The following ANKLE2 variants were observed in gnomAD, a reference collection of about 807,000 sequenced individuals.
ANKLE2 encodes ankyrin repeat and LEM domain-containing protein 2.
ANKLE2 carries 55 observed loss-of-function variants against 84.2 expected under a neutral mutation model. The ratio of observed to expected loss-of-function variants is 0.65; its 90% CI spans 0.53 to 0.82. The LOEUF is 0.82. Among genes scored for constraint, ANKLE2 ranks in the 40% least tolerant of loss-of-function variants. ANKLE2 has a pLI of 0.00. For synonymous variants in ANKLE2, 551 were observed against 486.1 expected, an observed-to-expected ratio of 1.13 and a Z score of -1.76; for missense variants, 1,238 against 1,201.9, an observed-to-expected ratio of 1.03 and a Z score of -0.44.
chr12:132,749,603 G>A (rs2044313441), intron 3 of ANKLE2, among the ~76,000 whole-genome samples: 1 of 152,242 alleles, frequency 6.6e-6, no homozygotes, highest in Admixed American at 6.5e-5. Flanking sequence ...TGGAAGGAGA[G>A]GGCAACATTC....
Position 132,730,176 on chromosome 12 carries a change from G to A in ANKLE2, c.1986C>T (p.Ser662=), listed in dbSNP as rs114132434. 1.3e-3 allele frequency: 2,049 copies of A among 1,607,288 alleles called. 25 individuals carry two copies. The African/African-American group carries it at 0.024, about 19-fold the overall frequency. Residue 662 remains serine, a synonymous_variant, in exon 11 of 13, where the codon AGC becomes AGT. Coordinates refer to ENST00000357997, the MANE Select transcript of ANKLE2 (RefSeq NM_015114.3). ...KNRQNAARNN[S]PPTVGAFGHT... Reference sequence around the variant, plus strand: ...GTCCAAAAGCACCGACTGTGGGCGGGCTGTTATTTCGAGCTGCATTTTGCC... The same window carrying A: ...GTCCAAAAGCACCGACTGTGGGCGGACTGTTATTTCGAGCTGCATTTTGCC...
chr12:132,736,238 C>T (rs1424001667), intron 8 of ANKLE2, among the ~76,000 whole-genome samples: 20 of 152,350 alleles, frequency 1.3e-4, no homozygotes, highest in Admixed American at 1.0e-3. Context: ...GCATGCGTCC[C>T]GGCGCCCGGC....
chr12:132,735,678 T>C (rs1275446135), intron 8 of ANKLE2, among the ~76,000 whole-genome samples, 166 bp from the exon 9 acceptor site: 1 of 152,242 alleles, frequency 6.6e-6, no homozygotes, highest in Non-Finnish European at 1.5e-5. Flanking sequence ...GTGGCATGGC[T>C]GAGTGGCCGC....
chr12:132,744,540 AC>A (rs2044195036), intron 5 of ANKLE2, among the ~76,000 whole-genome samples: 1 of 151,998 alleles, frequency 6.6e-6, no homozygotes, highest in Non-Finnish European at 1.5e-5. Context: ...TCCCGCCATC[AC>A]CCACTAGAGG....
chr12:132,729,692 G>C lies in ANKLE2; in HGVS notation c.2470C>G (p.Leu824Val). The change falls in exon 11 of 13, where the codon CTC becomes GTC. Residue 824 changes from leucine to valine, a missense_variant. Coordinates refer to ENST00000357997, the MANE Select transcript of ANKLE2 (RefSeq NM_015114.3). ...ACACACTCCTACCCAAAAAGGAAGA[G>C]CCGCCTGGCCGGTTCCCTGGTGACC... ...LEVTREPARR[L>V]FLFGEEPSKL... 1 of 1,606,196 alleles carries C rather than the reference G, an allele frequency of 6.2e-7. No homozygotes were observed. The highest frequency in any genetic ancestry group is 8.5e-7 in the Non-Finnish European group (1 of 1,177,776).
chr12:132,728,760 A>G (rs902691819), intron 11 of ANKLE2, among the ~76,000 whole-genome samples: 1 of 152,206 alleles, frequency 6.6e-6, no homozygotes, highest in Non-Finnish European at 1.5e-5. Flanking sequence ...TGCATTCTCT[A>G]TGGTAGCAGG....
chr12:132,752,571 G>A (rs538210992), intron 2 of ANKLE2, among the ~76,000 whole-genome samples: 2 of 152,102 alleles, frequency 1.3e-5, no homozygotes, highest in East Asian at 3.9e-4. Flanking sequence ...GGGCTTCACC[G>A]TGTTAGCCAG....
chr12:132,751,873 C>T (rs2044364607), intron 2 of ANKLE2, among the ~76,000 whole-genome samples: 1 of 152,216 alleles, frequency 6.6e-6, no homozygotes, highest in South Asian at 2.1e-4. Context: ...GCCAAGAAAC[C>T]ATTCAAAACA....
intron 9 of ANKLE2, 37 bp downstream of exon 9, chr12:132,735,369 G>A: frequency 6.4e-7 from 1 of 1,565,772 alleles, no homozygotes; most frequent in Non-Finnish European, 8.8e-7. Flanking sequence ...GCAACCAACT[G>A]TGTGCCCCAC....
chr12:132,754,773 C>T lies in ANKLE2; in HGVS notation c.542G>A (p.Ser181Asn). ...VTSKTCSVPP[S>N]DTDTYRAGAT... ...TCCAGCTCTGTAGGTGTCGGTGTCA[C>T]TAGGGGGCACCGAGCAGGTCTTGGA... Residue 181 changes from serine to asparagine, a missense_variant, in exon 2 of 13, where the codon AGT (serine) becomes AAT (asparagine). Physicochemically the swap from Ser to Asn is conservative, Grantham distance 46. This residue lies in a region of ANKLE2 where 422 missense variants were observed against 394.5 expected (regional missense o/e 1.07). Transcript: ENST00000357997. 2.5e-6 allele frequency: 4 copies of T among 1,614,118 alleles called. No individual in the cohort carries two copies. Among genetic ancestry groups the T allele is most frequent in the South Asian group, 1.1e-5 (1 of 91,080 alleles).
At chr12:132,733,591 A>G (rs10781635) in intron 10 of ANKLE2, among the ~76,000 whole-genome samples, 85,562 of 134,180 alleles carry the variant, frequency 0.64, 26,419 homozygotes, top group East Asian at 0.79. Context: ...CGTGTGAAGC[A>G]CTCTGCATCC....
chr12:132,742,740 A>G (rs374418644), intron 6 of ANKLE2, among the ~76,000 whole-genome samples: 3 of 592 alleles, frequency 5.1e-3, no homozygotes, highest in African/African-American at 0.016. Flanking sequence ...CAACACCACC[A>G]TGATCATTGC....
chr12:132,761,662 C>T lies in ANKLE2; in HGVS notation c.137G>A (p.Gly46Glu), dbSNP rs2044629136. ...CGCGCTTGGCGGAGGAACTGGGGTC[C>T]CGCTGCGGCCCAGACCTCCCGGCCG... is the stretch of plus-strand genomic sequence containing the variant. Reference protein sequence around the residue: ...GPRPGGLGRSGTPVPPPSAAA... With the variant: ...GPRPGGLGRSETPVPPPSAAA... The change falls in exon 1 of 13, where the codon GGG becomes GAG. Residue 46 changes from glycine to glutamate, a missense_variant. Gly to Glu is a moderately conservative substitution (Grantham distance 98, BLOSUM62 -2). Transcript: ENST00000357997. 6 of 1,301,342 alleles carry T rather than the reference C, an allele frequency of 4.6e-6. No individual in the cohort carries two copies. Among genetic ancestry groups the T allele is most frequent in the Non-Finnish European group, 5.9e-6 (6 of 1,024,154 alleles). The allele number at this position is 1,301,342 out of a possible 1,614,324, so 80.6% of individuals were successfully genotyped here. A position where few individuals can be genotyped will look rare whatever the true frequency, so the allele number is the denominator to read the frequency against.
intron 3 of ANKLE2, 121 bp from the exon 4 acceptor site, chr12:132,748,452 A>C: frequency 8.8e-7 from 1 of 1,136,886 alleles, no homozygotes; most frequent in Non-Finnish European, 1.3e-6. Flanking sequence ...ACTGGGAGGC[A>C]CAGGTGAGAA....
intron 1 of ANKLE2, 110 bp downstream of exon 1, chr12:132,761,508 G>A (rs1313273586): frequency 4.1e-6 from 4 of 965,412 alleles, no homozygotes; most frequent in East Asian, 7.6e-5. Flanking sequence ...CGGCCGCCTC[G>A]CCCAACTGCT....
chr12:132,753,352 A>G (rs2044401070), intron 2 of ANKLE2, among the ~76,000 whole-genome samples: 1 of 151,894 alleles, frequency 6.6e-6, no homozygotes, highest in Admixed American at 6.6e-5. Context: ...ACAACCAATT[A>G]GCTAGGCGTG....
At chr12:132,750,512 TG>T in intron 3 of ANKLE2, 130 bp downstream of exon 3, 1 of 888,916 alleles carries the variant, frequency 1.1e-6, no homozygotes, top group Non-Finnish European at 1.7e-6. Flanking sequence ...CATGGCCTCC[TG>T]GTCCACTGAG....
rs1322866582 is a variant in ANKLE2, at chr12:132,726,432, GA to G, written c.*809del. On this transcript the variant is annotated 3_prime_UTR_variant, in exon 13 of 13. Transcript: ENST00000357997. The stretch of plus-strand genomic sequence containing the variant: ...CTCAACAAAGCCTCAGGATAAATTT[GA>G]AAACAGAACAATGTATAGACTGTAT... 6.6e-6 allele frequency: 1 copy of G among 152,168 alleles called. No homozygotes were observed. Among genetic ancestry groups the G allele is most frequent in the Non-Finnish European group, 1.5e-5 (1 of 68,036 alleles). The allele number at this position is 152,168 out of a possible 1,614,324, so 9.4% of individuals were successfully genotyped here.
At chr12:132,730,499 A>G in intron 10 of ANKLE2, 1 of 519,230 alleles carries the variant, frequency 1.9e-6, no homozygotes, top group Middle Eastern at 5.1e-4. Context: ...GACTCCCTGG[A>G]AAAGGGCAAA....
Sources: allele counts gnomAD v4.1 joint callset (sites outside exome capture counted in the v4.1 genomes callset), GRCh38; gene constraint gnomAD v4.1.1; regional missense constraint gnomAD v4.1.1; transcripts MANE v1.5; gene names NCBI Gene and HGNC (gene_info 2026-07-23, HGNC 2026-07-21).